QTMAN: variants seen among roughly 807,000 people sequenced by gnomAD.
QTMAN encodes the protein tRNA-queuosine alpha-mannosyltransferase.
chr2:144,233,553 A>G, the QTMAN span, among the ~76,000 whole-genome samples: 1 of 152,196 alleles, frequency 6.6e-6, no homozygotes, highest in African/African-American at 2.4e-5. Flanking sequence ...AACCACTGCC[A>G]GAACCAAGCT....
the QTMAN span, among the ~76,000 whole-genome samples, chr2:144,278,752 G>C: frequency 6.6e-6 from 1 of 152,018 alleles, no homozygotes; most frequent in African/African-American, 2.4e-5. Flanking sequence ...AATCATCACA[G>C]AGCCAGGAAA....
the QTMAN span, among the ~76,000 whole-genome samples, chr2:144,279,232 T>C: frequency 6.6e-6 from 1 of 152,054 alleles, no homozygotes. Flanking sequence ...TCAAAAAGCT[T>C]ATATAACTTC....
At chr2:144,292,519 G>A in the QTMAN span, among the ~76,000 whole-genome samples, 408 of 151,968 alleles carry the variant, frequency 2.7e-3, 11 homozygotes, top group East Asian at 0.068. Context: ...TCTTATTAGG[G>A]CTAGGACTAT....
the QTMAN span, among the ~76,000 whole-genome samples, chr2:144,235,076 G>A: frequency 6.6e-6 from 1 of 152,080 alleles, no homozygotes; most frequent in Admixed American, 6.6e-5. Flanking sequence ...TTTTCTCTAG[G>A]ACATACTGCT....
chr2:144,157,822 T>C, the QTMAN span, among the ~76,000 whole-genome samples: 1 of 151,990 alleles, frequency 6.6e-6, no homozygotes, highest in South Asian at 2.1e-4. Flanking sequence ...ATGATATCTA[T>C]ATGGTATCTA....
the QTMAN span, among the ~76,000 whole-genome samples, chr2:144,264,505 T>C: frequency 2.1e-4 from 32 of 152,316 alleles, no homozygotes; most frequent in East Asian, 6.2e-3. Context: ...TAAAACCACA[T>C]GGATCAAAAC....
the QTMAN span, among the ~76,000 whole-genome samples, chr2:144,247,275 A>AT: frequency 6.6e-6 from 1 of 152,218 alleles, no homozygotes; most frequent in African/African-American, 2.4e-5. Context: ...ATGGAAAATT[A>AT]TAAGTAGTTC....
the QTMAN span, among the ~76,000 whole-genome samples, chr2:144,133,256 AATAT>A: frequency 5.9e-5 from 3 of 51,106 alleles, no homozygotes; most frequent in Admixed American, 3.2e-4. Context: ...AATATATATA[AATAT>A]ATATAAATAT....
the QTMAN span, among the ~76,000 whole-genome samples, chr2:144,025,796 C>T: frequency 6.6e-6 from 1 of 152,172 alleles, no homozygotes; most frequent in African/African-American, 2.4e-5. Context: ...AACTAGCGTA[C>T]TCCCCTTTTC....
At chr2:144,135,169 T>A in the QTMAN span, among the ~76,000 whole-genome samples, 1 of 152,190 alleles carries the variant, frequency 6.6e-6, no homozygotes, top group Non-Finnish European at 1.5e-5. Flanking sequence ...CATTCTTATA[T>A]GATCCAATTT....
chr2:144,234,924 C>T, the QTMAN span, among the ~76,000 whole-genome samples: 1 of 152,164 alleles, frequency 6.6e-6, no homozygotes, highest in Non-Finnish European at 1.5e-5. Flanking sequence ...CAAATTAGTG[C>T]CCATGCACAG....
chr2:144,098,324 C>G, the QTMAN span, among the ~76,000 whole-genome samples: 5 of 152,220 alleles, frequency 3.3e-5, no homozygotes, highest in African/African-American at 9.6e-5. Context: ...GCTAACATAG[C>G]TCAACAATGT....
chr2:144,042,089 C>T, the QTMAN span, among the ~76,000 whole-genome samples: 1 of 152,254 alleles, frequency 6.6e-6, no homozygotes, highest in East Asian at 1.9e-4. Flanking sequence ...GGGAGTTCCA[C>T]AGAGGAATGA....
the QTMAN span, among the ~76,000 whole-genome samples, chr2:144,222,925 A>G: frequency 2.6e-4 from 39 of 152,234 alleles, no homozygotes; most frequent in Non-Finnish European, 4.6e-4. Context: ...AGAGATTTGC[A>G]TTTTAAAAGA....
chr2:144,253,199 G>A, the QTMAN span, among the ~76,000 whole-genome samples: 4 of 152,092 alleles, frequency 2.6e-5, no homozygotes, highest in South Asian at 6.2e-4. Flanking sequence ...TTCGCCTTCC[G>A]CCATAATGGT....
chr2:144,013,562 A>G, the QTMAN span, among the ~76,000 whole-genome samples: 2 of 152,224 alleles, frequency 1.3e-5, no homozygotes, highest in Non-Finnish European at 2.9e-5. Context: ...AAAAGAAAGC[A>G]GGAGAATCAG....
chr2:144,134,516 G>A, the QTMAN span, among the ~76,000 whole-genome samples: 1 of 152,066 alleles, frequency 6.6e-6, no homozygotes, highest in African/African-American at 2.4e-5. Context: ...CCCTATTCCA[G>A]GGATGTAAAA....
chr2:144,305,036 C>G, the QTMAN span, among the ~76,000 whole-genome samples: 1 of 152,102 alleles, frequency 6.6e-6, no homozygotes, highest in Admixed American at 6.5e-5. Context: ...TATGTTCTTG[C>G]ATGTTGTGTG....
the QTMAN span, among the ~76,000 whole-genome samples, chr2:144,056,483 A>G: frequency 2.0e-5 from 3 of 152,294 alleles, no homozygotes; most frequent in South Asian, 6.2e-4. Context: ...TCTGACACAC[A>G]CTGTACTTGT....
Sources: allele counts gnomAD v4.1 joint callset (sites outside exome capture counted in the v4.1 genomes callset), GRCh38; gene constraint gnomAD v4.1.1; transcripts MANE v1.5; gene names NCBI Gene and HGNC (gene_info 2026-07-23, HGNC 2026-07-21).